Variants in GRIP2 observed in about 807,000 individuals in gnomAD.
GRIP2 encodes the protein glutamate receptor interacting protein 2, also known as glutamate receptor-interacting protein 2.
In GRIP2, 58 loss-of-function variants were observed where a neutral mutation model predicts 108.3. The observed-to-expected ratio is 0.54, with a 90% CI of 0.43 to 0.67. The LOEUF is 0.67. GRIP2 is among the 30% of genes least tolerant of loss of function. The pLI, the probability that GRIP2 is intolerant of heterozygous loss-of-function variation, is 0.00. For synonymous variants in GRIP2, 586 were observed against 598.2 expected, an observed-to-expected ratio of 0.98 and a Z score of 0.30; for missense variants, 1,278 against 1,430.6, an observed-to-expected ratio of 0.89 and a Z score of 1.72.
chr3:14,493,663 C>A lies in GRIP2; in HGVS notation c.*2G>T. On this transcript the variant is annotated 3_prime_UTR_variant, in exon 24 of 24. Transcript: ENST00000621039. ...CTTAGGAGTTCGGCCCACATGCTGA[C>A]TTCAGAGCATCCGGGGACTGCTGGG... 1 of 1,597,008 alleles carries A rather than the reference C, an allele frequency of 6.3e-7. No homozygotes were observed. Among genetic ancestry groups the A allele is most frequent in the African/African-American group, 1.3e-5 (1 of 74,818 alleles).
At chr3:14,601,323 TTAG>T in the GRIP2 span, among the ~76,000 whole-genome samples, 1 of 152,050 alleles carries the variant, frequency 6.6e-6, no homozygotes, top group Non-Finnish European at 1.5e-5. Flanking sequence ...CAGACGAAAG[TTAG>T]TGGTGGGCAC....
intron 21 of GRIP2, among the ~76,000 whole-genome samples, chr3:14,503,308 CATG>C (rs1693819867): frequency 1.3e-5 from 2 of 152,368 alleles, no homozygotes; most frequent in South Asian, 2.1e-4. Context: ...CCAATGTACA[CATG>C]ATGATGTCAC....
chr3:14,545,173 G>A (rs1267847614), upstream of GRIP2, among the ~76,000 whole-genome samples: 3 of 152,218 alleles, frequency 2.0e-5, no homozygotes, highest in Admixed American at 6.5e-5. Context: ...TAACATAATC[G>A]GAGCAGAGAC....
chr3:14,558,094 G>T (rs567469505), upstream of GRIP2, among the ~76,000 whole-genome samples: 2 of 152,220 alleles, frequency 1.3e-5, no homozygotes, highest in Non-Finnish European at 2.9e-5. Context: ...AATCTGATGC[G>T]TTCCATGAAC....
chr3:14,582,731 C>A, the GRIP2 span, among the ~76,000 whole-genome samples: 1 of 152,212 alleles, frequency 6.6e-6, no homozygotes, highest in Non-Finnish European at 1.5e-5. Context: ...CCGAGCATCT[C>A]AGCTGAGAGG....
At chr3:14,516,946 C>T (rs566910281) in intron 11 of GRIP2, 118 bp downstream of exon 11, 27 of 957,604 alleles carry the variant, frequency 2.8e-5, no homozygotes, top group Admixed American at 2.4e-4. Context: ...AACATTCCCA[C>T]GCATACACCT....
chr3:14,580,483 C>T, the GRIP2 span, among the ~76,000 whole-genome samples: 2 of 152,204 alleles, frequency 1.3e-5, no homozygotes, highest in Non-Finnish European at 2.9e-5. Flanking sequence ...ATAATTTGAA[C>T]TCAGGAGTTC....
At chr3:14,576,146 C>T in the GRIP2 span, among the ~76,000 whole-genome samples, 1,282 of 152,258 alleles carry the variant, frequency 8.4e-3, 12 homozygotes, top group Middle Eastern at 0.031. Context: ...GTCTGGAGAT[C>T]CGTGGGAATT....
chr3:14,513,036 C>A (rs1694143035), intron 13 of GRIP2, among the ~76,000 whole-genome samples, 179 bp from the exon 14 acceptor site: 3 of 152,182 alleles, frequency 2.0e-5, no homozygotes, highest in African/African-American at 7.2e-5. Context: ...GACAGATTTG[C>A]TCAAAACAAC....
At chr3:14,588,580 C>T in the GRIP2 span, among the ~76,000 whole-genome samples, 1 of 152,168 alleles carries the variant, frequency 6.6e-6, no homozygotes, top group Non-Finnish European at 1.5e-5. Context: ...CACCCACCTG[C>T]CTGCCCTTCA....
intron 13 of GRIP2, 87 bp downstream of exon 13, chr3:14,513,578 G>A: frequency 4.8e-6 from 7 of 1,463,648 alleles, no homozygotes; most frequent in Non-Finnish European, 6.4e-6. Flanking sequence ...GGGATGGGGT[G>A]GAGCGTTTGC....
At chr3:14,568,153 G>T in the GRIP2 span, among the ~76,000 whole-genome samples, 1 of 152,194 alleles carries the variant, frequency 6.6e-6, no homozygotes, top group Admixed American at 6.5e-5. Flanking sequence ...GGAGGTGGGA[G>T]CCATGGGAGG....
the GRIP2 span, among the ~76,000 whole-genome samples, chr3:14,564,356 G>C: frequency 6.6e-6 from 1 of 152,252 alleles, no homozygotes; most frequent in African/African-American, 2.4e-5. Flanking sequence ...CGGGGCAGCA[G>C]CTCCACCGGG....
chr3:14,601,692 C>T, the GRIP2 span, among the ~76,000 whole-genome samples: 1 of 152,190 alleles, frequency 6.6e-6, no homozygotes, highest in African/African-American at 2.4e-5. Flanking sequence ...AGAAGACAGA[C>T]CCTACTTGGC....
Position 14,512,989 on chromosome 3 carries a change from C to T in GRIP2, c.1640-132G>A, listed in dbSNP as rs58822961. The T allele has an allele frequency of 7.1e-4, 535 of 756,638 alleles. 4 individuals are homozygous for T. The African/African-American group carries it at 8.3e-3, about 12-fold the overall frequency. The allele number at this position is 756,638 out of a possible 1,614,324, so 46.9% of individuals were successfully genotyped here. On this transcript the variant is annotated intron_variant, in intron 13 of 23. Transcript: ENST00000621039. The surrounding 1 kb of genome is among the most constrained non-coding windows in gnomAD (Gnocchi z 5.1). ...CAGTTCTAATCTCATCCCCCTGCTT[C>T]CTCTCAACAGAGGAGGAAACTGAGG...
chr3:14,575,333 G>A, the GRIP2 span, among the ~76,000 whole-genome samples: 1 of 152,234 alleles, frequency 6.6e-6, no homozygotes, highest in Non-Finnish European at 1.5e-5. Context: ...ACCCCCAGGT[G>A]ATTCCAGTTC....
intron 1 of GRIP2, among the ~76,000 whole-genome samples, chr3:14,534,915 G>A (rs193034626): frequency 2.6e-5 from 4 of 152,298 alleles, no homozygotes; most frequent in East Asian, 1.9e-4. Flanking sequence ...CTGCCTAAGC[G>A]GGTGGCTGGA....
chr3:14,531,983 C>G, intron 1 of GRIP2, among the ~76,000 whole-genome samples: 1 of 152,076 alleles, frequency 6.6e-6, no homozygotes, highest in African/African-American at 2.4e-5. Flanking sequence ...CACATGCCCC[C>G]GCCTGCCCTT....
At chr3:14,497,003 C>T (rs2124836183) in intron 21 of GRIP2, among the ~76,000 whole-genome samples, 1 of 149,638 alleles carries the variant, frequency 6.7e-6, no homozygotes. Flanking sequence ...CTCTTGTTGC[C>T]CAGGCTGGAA....
Sources: allele counts gnomAD v4.1 joint callset (sites outside exome capture counted in the v4.1 genomes callset), GRCh38; gene constraint gnomAD v4.1.1; non-coding constraint Gnocchi (gnomAD v3.1); transcripts MANE v1.5; gene names NCBI Gene and HGNC (gene_info 2026-07-23, HGNC 2026-07-21).